The following CEP152 variants were observed in gnomAD, a reference collection of about 807,000 sequenced individuals.
The protein encoded by CEP152 is centrosomal protein 152, also known as centrosomal protein of 152 kDa.
CEP152 carries 132 observed loss-of-function variants against 188.9 expected under a neutral mutation model. The ratio of observed to expected loss-of-function variants is 0.70; its 90% confidence interval spans 0.61 to 0.81. The LOEUF (loss-of-function observed/expected upper bound fraction) is 0.81, where lower values mean the gene tolerates loss of function less well. CEP152 is among the 30% of genes least tolerant of loss of function. CEP152 has a pLI of 0.00. For missense variants in CEP152, 1,914 were observed against 1,969.8 expected, an observed-to-expected ratio of 0.97 and a Z score of 0.54; for synonymous variants, 649 against 666.6, an observed-to-expected ratio of 0.97 and a Z score of 0.41.
chr15:48,739,315 T>G (rs781500035), intron 26 of CEP152, 27 bp from the exon 27 acceptor site: 2 of 1,579,822 alleles, frequency 1.3e-6, no homozygotes, highest in East Asian at 2.3e-5. Context: ...AACACGAAAT[T>G]AAGAGAAAAT....
chr15:48,809,114 C>T (rs1898178154), intron 1 of CEP152, among the ~76,000 whole-genome samples: 1 of 152,146 alleles, frequency 6.6e-6, no homozygotes, highest in Non-Finnish European at 1.5e-5. Flanking sequence ...GATTACAAAG[C>T]AAAAGTAGCA....
intron 13 of CEP152, among the ~76,000 whole-genome samples, chr15:48,770,288 G>GA: frequency 6.6e-6 from 1 of 152,230 alleles, no homozygotes; most frequent in South Asian, 2.1e-4. Context: ...GTAACTTTGA[G>GA]AAAAATTGGA....
chr15:48,732,044 C>A (rs192188532), intron 2 of CEP152, among the ~76,000 whole-genome samples: 4 of 152,178 alleles, frequency 2.6e-5, no homozygotes, highest in Admixed American at 6.5e-5. Context: ...TAGTTGCTGG[C>A]GAGGTTGAGG....
At chr15:48,809,447 C>A (rs1315004840) in intron 1 of CEP152, among the ~76,000 whole-genome samples, 1 of 152,040 alleles carries the variant, frequency 6.6e-6, no homozygotes, top group South Asian at 2.1e-4. Context: ...AAGTACAAAG[C>A]ACAAATTACT....
intron 1 of CEP152, among the ~76,000 whole-genome samples, chr15:48,806,719 AC>A (rs1377902936): frequency 6.6e-6 from 1 of 152,208 alleles, no homozygotes; most frequent in Non-Finnish European, 1.5e-5. Context: ...TATATCACAA[AC>A]TTTTGTGGAA....
intron 10 of CEP152, chr15:48,783,041 C>T (rs1567014206): frequency 6.6e-6 from 1 of 152,154 alleles, no homozygotes; most frequent in Non-Finnish European, 1.5e-5. Context: ...ATAGCCCACC[C>T]TTTCACATAT....
At chr15:48,741,727 A>C (rs757846569) in intron 25 of CEP152, 23 bp from the exon 26 acceptor site, 2 of 1,613,768 alleles carry the variant, frequency 1.2e-6, no homozygotes, top group South Asian at 2.2e-5. Flanking sequence ...CCAGAATATT[A>C]AAAATATAGT....
At position 48,741,643 on chromosome 15, in the gene CEP152, T is replaced by C. The variant is rs1892980780; in HGVS notation, c.4051A>G (p.Thr1351Ala). The C allele has an allele frequency of 6.2e-7, 1 of 1,614,042 alleles. No individual in the cohort carries two copies. Among genetic ancestry groups the C allele is most frequent in the Non-Finnish European group, 8.5e-7 (1 of 1,180,028 alleles). Residue 1351 changes from threonine to alanine, a missense_variant, in exon 26 of 27, where the codon ACA becomes GCA. Thr to Ala is a moderately conservative substitution (Grantham distance 58, BLOSUM62 0). Transcript: ENST00000380950. ...CTTTGGGACTTACTAGAAATAGGTG[T>C]TTCCAGTAATTTTGCCATTGTAGCA... ...KLATMAKLLE[T>A]PISSKSQSKT...
intron 6 of CEP152, among the ~76,000 whole-genome samples, chr15:48,794,936 GCAA>G (rs1897203403): frequency 6.6e-6 from 1 of 152,152 alleles, no homozygotes; most frequent in Non-Finnish European, 1.5e-5. Context: ...TACGATGGAA[GCAA>G]CAATATGAAG....
At chr15:48,733,762 T>A (rs928171699), downstream of CEP152, among the ~76,000 whole-genome samples, 2 of 152,022 alleles carry the variant, frequency 1.3e-5, no homozygotes, top group African/African-American at 4.8e-5. Flanking sequence ...AAAAACAGTA[T>A]AAGAAAAACA....
At chr15:48,797,259 G>A (rs1897354639) in intron 5 of CEP152, 42 bp downstream of exon 5, 3 of 1,604,982 alleles carry the variant, frequency 1.9e-6, no homozygotes, top group Non-Finnish European at 2.6e-6. Context: ...GCAAATGCGT[G>A]TGCACACACA....
At chr15:48,753,241 G>A (rs1334913894) in intron 20 of CEP152, among the ~76,000 whole-genome samples, 1 of 152,136 alleles carries the variant, frequency 6.6e-6, no homozygotes. Context: ...CAGTTCAAGC[G>A]ATTCTCCTGC....
chr15:48,735,389 T>G (rs1892561038), downstream of CEP152, among the ~76,000 whole-genome samples: 1 of 152,194 alleles, frequency 6.6e-6, no homozygotes, highest in South Asian at 2.1e-4. Context: ...GCTTTATACA[T>G]CTATATCAAT....
chr15:48,765,556 G>C (rs1351048881), intron 17 of CEP152: 2 of 408,728 alleles, frequency 4.9e-6, no homozygotes, highest in African/African-American at 4.5e-5. Flanking sequence ...ATATTTTATA[G>C]TCAAATTGAT....
At position 48,768,278 on chromosome 15, in the gene CEP152, A is replaced by G; in HGVS notation, c.1959T>C (p.Cys653=). 1.2e-6 allele frequency: 2 copies of G among 1,612,500 alleles called. No homozygotes were observed. The highest frequency in any genetic ancestry group is 4.5e-5 in the East Asian group (2 of 44,840). Residue 653 remains cysteine, a synonymous_variant, in exon 15 of 27, where the codon TGT becomes TGC. Coordinates refer to ENST00000380950, the MANE Select transcript of CEP152 (RefSeq NM_001194998.2). ...CTTGTACCATTTGTCTCATTTGATT[A>G]CATAAGTCTTGATTTGTATTTCTCA... is the stretch of plus-strand genomic sequence containing the variant. ...GKLRNTNQDL[C]NQMRQMVQDF...
chr15:48,789,278 G>GTGGC (rs1896863343), intron 8 of CEP152: 2 of 478,322 alleles, frequency 4.2e-6, no homozygotes, highest in Non-Finnish European at 7.6e-6. Flanking sequence ...CATGATGGAT[G>GTGGC]TGGCTATCAG....
intron 11 of CEP152, among the ~76,000 whole-genome samples, chr15:48,781,846 C>T (rs1039776389): frequency 5.3e-5 from 8 of 152,074 alleles, no homozygotes; most frequent in African/African-American, 1.9e-4. Flanking sequence ...TTCAACATTC[C>T]CCACCCCCAT....
intron 8 of CEP152, among the ~76,000 whole-genome samples, chr15:48,790,571 A>AT (rs796999257): frequency 0.012 from 1,730 of 149,996 alleles, 23 homozygotes; most frequent in African/African-American, 0.039. Flanking sequence ...AGTCACTTTC[A>AT]TTTTTTTTTT....
At chr15:48,748,868 C>T (rs1264541123) in intron 21 of CEP152, among the ~76,000 whole-genome samples, 1 of 152,010 alleles carries the variant, frequency 6.6e-6, no homozygotes, top group Non-Finnish European at 1.5e-5. Context: ...TAAAAATAGT[C>T]ATGAAACCTA....
Sources: gnomAD v4.1 joint callset for allele counts (sites outside exome capture counted in the v4.1 genomes callset) on GRCh38, gnomAD v4.1.1 for gene constraint, MANE v1.5 for transcripts, NCBI Gene and HGNC (gene_info 2026-07-23, HGNC 2026-07-21) for gene names.